Variants in MAK observed in about 807,000 individuals in gnomAD.
MAK encodes the protein serine/threonine-protein kinase MAK.
In MAK, 65 loss-of-function variants were observed where a neutral mutation model predicts 82.6. That is an observed-to-expected ratio of 0.79 (90% CI 0.64 to 0.97). MAK has a LOEUF of 0.97. Among genes scored for constraint, MAK ranks in the 50% least tolerant of loss-of-function variants. The pLI, the probability that MAK is intolerant of heterozygous loss-of-function variation, is 0.00. For missense variants in MAK, 703 were observed against 780.2 expected, an observed-to-expected ratio of 0.90 and a Z score of 1.18; for synonymous variants, 250 against 274.2, an observed-to-expected ratio of 0.91 and a Z score of 0.87.
chr6:10,810,360 T>TG (rs1666878128), intron 5 of MAK, among the ~76,000 whole-genome samples: 2 of 148,774 alleles, frequency 1.3e-5, no homozygotes, highest in African/African-American at 4.9e-5. Flanking sequence ...TTTTTTTTTT[T>TG]TTTTGTTTTG....
intron 3 of MAK, among the ~76,000 whole-genome samples, chr6:10,818,450 C>A (rs1355640516): frequency 6.6e-6 from 1 of 152,032 alleles, no homozygotes; most frequent in Non-Finnish European, 1.5e-5. Flanking sequence ...CTTGTCTCTA[C>A]TAAAAATACA....
rs1372032562 is a variant in MAK, at chr6:10,781,776, A to G, written c.1465+2648T>C. Among the ~76,000 whole-genome samples the G allele has an allele frequency of 4.6e-5, 7 of 152,246 alleles. No individual in the cohort carries two copies. The East Asian group carries it at 1.4e-3, about 29-fold the overall frequency. ...TAAATTGACTTGGCATATACTACCAATAAGATATGTATACATTTTTTCATC... is the reference window on the plus strand; with the variant it reads ...TAAATTGACTTGGCATATACTACCAGTAAGATATGTATACATTTTTTCATC... On this transcript the variant is annotated intron_variant, in intron 11 of 14. Coordinates refer to ENST00000354489, the MANE Select transcript of MAK (RefSeq NM_001242957.3).
At chr6:10,775,187 C>A in intron 12 of MAK, 141 bp downstream of exon 12, 4 of 929,758 alleles carry the variant, frequency 4.3e-6, no homozygotes, top group Non-Finnish European at 5.1e-6. Context: ...CAGGGCTACC[C>A]ATAGGCAGAG....
intron 7 of MAK, among the ~76,000 whole-genome samples, chr6:10,802,979 T>C (rs797013222): frequency 1.3e-4 from 20 of 151,996 alleles, no homozygotes; most frequent in African/African-American, 4.8e-4. Flanking sequence ...AGGGGAGATA[T>C]AAAAAAGGAA....
chr6:10,813,615 T>C (rs754502017), intron 5 of MAK, 29 bp downstream of exon 5: 9 of 1,192,584 alleles, frequency 7.5e-6, no homozygotes, highest in South Asian at 1.2e-5. Flanking sequence ...TCTAAAGAGG[T>C]AGGGAAATTA....
intron 10 of MAK, among the ~76,000 whole-genome samples, chr6:10,785,256 C>T (rs1447252130): frequency 6.6e-6 from 1 of 152,172 alleles, no homozygotes; most frequent in African/African-American, 2.4e-5. Flanking sequence ...ATTCCCGAGG[C>T]CTGTCCCTGA....
intron 2 of MAK, among the ~76,000 whole-genome samples, chr6:10,826,909 C>T (rs1383096693): frequency 1.3e-5 from 2 of 152,020 alleles, no homozygotes; most frequent in African/African-American, 2.4e-5. Context: ...GTCGGGAGTT[C>T]GAGACCAGCC....
chr6:10,805,672 A>G (rs1450680608), intron 6 of MAK, among the ~76,000 whole-genome samples: 1 of 152,148 alleles, frequency 6.6e-6, no homozygotes, highest in Non-Finnish European at 1.5e-5. Flanking sequence ...GTTTCATCAT[A>G]TGTTGTTTCA....
intron 10 of MAK, 72 bp downstream of exon 10, chr6:10,791,603 C>G: frequency 7.2e-7 from 1 of 1,380,788 alleles, no homozygotes; most frequent in Non-Finnish European, 1.0e-6. Flanking sequence ...GGTCTACATG[C>G]ATTTATATTT....
At chr6:10,772,232 A>G (rs1182592204) in intron 13 of MAK, among the ~76,000 whole-genome samples, 4 of 152,182 alleles carry the variant, frequency 2.6e-5, no homozygotes, top group Admixed American at 6.5e-5. Context: ...AGTACCTTGT[A>G]TGCTGTGAAT....
chr6:10,823,601 C>T (rs1204197724), intron 2 of MAK, among the ~76,000 whole-genome samples: 1 of 152,184 alleles, frequency 6.6e-6, no homozygotes, highest in Non-Finnish European at 1.5e-5. Flanking sequence ...GTGATCTCAG[C>T]TCACTGCAAC....
chr6:10,803,659 A>T (rs1581714139), intron 7 of MAK, 61 bp downstream of exon 7: 1 of 1,426,906 alleles, frequency 7.0e-7, no homozygotes, highest in East Asian at 2.3e-5. Flanking sequence ...TAAAATTAAA[A>T]GCAAAGTAGC....
chr6:10,783,355 C>T lies in MAK; in HGVS notation c.1465+1069G>A, dbSNP rs76397737. Among the ~76,000 whole-genome samples, 922 of 152,246 alleles carry T rather than the reference C, an allele frequency of 6.1e-3. 9 individuals carry two copies. The highest frequency in any genetic ancestry group is 0.021 in the African/African-American group (882 of 41,540). The stretch of plus-strand genomic sequence containing the variant: ...AGCTCCAGATTCATATACCCAGGCG[C>T]CCATTAGATGGATCAATTCAGATGT... On this transcript the variant is annotated intron_variant, in intron 11 of 14. Transcript: ENST00000354489.
intron 5 of MAK, among the ~76,000 whole-genome samples, chr6:10,810,323 G>A (rs1288296888): frequency 6.6e-6 from 1 of 150,400 alleles, no homozygotes; most frequent in Admixed American, 6.6e-5. Flanking sequence ...TTGGAGCTGG[G>A]AAGACTTTCT....
At position 10,830,613 on chromosome 6, in the gene MAK, G is replaced by GT; in HGVS notation, c.35dup (p.Asp12GlufsTer13). The GT allele has an allele frequency of 6.2e-7, 1 of 1,614,038 alleles. No individual in the cohort carries two copies. Among genetic ancestry groups the GT allele is most frequent in the Non-Finnish European group, 8.5e-7 (1 of 1,179,952 alleles). ...CCATAAGCACACTCCCATACGTGCCGTCCCCCAACTGTCTCATGGTTGTGT... is the reference window on the plus strand; with the variant it reads ...CCATAAGCACACTCCCATACGTGCCGTTCCCCCAACTGTCTCATGGTTGTGT... On this transcript the variant is annotated frameshift_variant, in exon 2 of 15. Transcript: ENST00000354489. LOFTEE classifies it high-confidence loss of function.
chr6:10,767,780 G>A lies in MAK; in HGVS notation c.1792+2331C>T, dbSNP rs367706246. On this transcript the variant is annotated intron_variant, in intron 14 of 14. Coordinates refer to ENST00000354489, the MANE Select transcript of MAK (RefSeq NM_001242957.3). Reference sequence around the variant, plus strand: ...GCACTCCAGGCTGGTGACAGAGCGAGACTTTGTCTCAAAAAAAAAAAAAAA... The same window carrying A: ...GCACTCCAGGCTGGTGACAGAGCGAAACTTTGTCTCAAAAAAAAAAAAAAA... 1.4e-4 allele frequency among the ~76,000 whole-genome samples: 19 copies of A among 139,414 alleles called. 1 individual carries two copies. Among genetic ancestry groups the A allele is most frequent in the African/African-American group, 4.4e-4 (17 of 38,546 alleles). 91.5% of individuals were successfully genotyped at this position (139,414 alleles called of 152,430 possible).
intron 8 of MAK, 82 bp downstream of exon 8, chr6:10,801,810 G>A: frequency 7.5e-7 from 1 of 1,333,112 alleles, no homozygotes; most frequent in Non-Finnish European, 1.1e-6. Context: ...GTTGAGAATA[G>A]ACCTGCCTTT....
At chr6:10,820,798 G>A (rs577766418) in intron 2 of MAK, among the ~76,000 whole-genome samples, 1 of 152,258 alleles carries the variant, frequency 6.6e-6, no homozygotes, top group Non-Finnish European at 1.5e-5. Context: ...TTTATAAAAT[G>A]TCTTGCTAAA....
At chr6:10,828,212 G>C (rs1778525088) in intron 2 of MAK, among the ~76,000 whole-genome samples, 1 of 152,136 alleles carries the variant, frequency 6.6e-6, no homozygotes, top group Admixed American at 6.5e-5. Flanking sequence ...ATTTGCTAAA[G>C]TATTTAAATT....
Sources: allele counts gnomAD v4.1 joint callset (sites outside exome capture counted in the v4.1 genomes callset), GRCh38; gene constraint gnomAD v4.1.1; transcripts MANE v1.5; gene names NCBI Gene and HGNC (gene_info 2026-07-23, HGNC 2026-07-21).